RASSF2: variants seen among roughly 807,000 people sequenced by gnomAD.
RASSF2 encodes the protein Ras association domain family member 2, also known as ras association domain-containing protein 2.
In RASSF2, 34 loss-of-function variants were observed where a neutral mutation model predicts 46.3. The ratio of observed to expected loss-of-function variants is 0.73; its 90% confidence interval spans 0.56 to 0.98. The LOEUF (loss-of-function observed/expected upper bound fraction) is 0.98. Ranked by LOEUF, RASSF2 falls within the 50% of genes least tolerant of loss-of-function variation. The probability of loss-of-function intolerance (pLI) is 0.00; values close to 1 mark genes in which losing one functional copy is unlikely to be tolerated. For synonymous variants in RASSF2, 158 were observed against 162.5 expected, an observed-to-expected ratio of 0.97 and a Z score of 0.21; for missense variants, 364 against 431.2, an observed-to-expected ratio of 0.84 and a Z score of 1.38.
chr20:4,792,880 C>A (rs895601043), intron 5 of RASSF2: 2 of 626,216 alleles, frequency 3.2e-6, no homozygotes, highest in African/African-American at 1.8e-5. Flanking sequence ...TCTTTTGCAG[C>A]AACTGCAGTA....
chr20:4,798,161 C>T (rs1482339567), intron 3 of RASSF2, 76 bp from the exon 4 acceptor site: 6 of 1,571,772 alleles, frequency 3.8e-6, no homozygotes, highest in Non-Finnish European at 5.2e-6. Flanking sequence ...CTCTTTCTCT[C>T]ACCTCTCACC....
chr20:4,809,674 G>A (rs1927617950), intron 2 of RASSF2, among the ~76,000 whole-genome samples: 3 of 152,292 alleles, frequency 2.0e-5, no homozygotes, highest in Middle Eastern at 6.8e-3. Flanking sequence ...TTAGGCCAGG[G>A]GATTCCTAGA....
chr20:4,822,143 CA>C (rs1928730852), intron 2 of RASSF2, among the ~76,000 whole-genome samples, 185 bp downstream of exon 2: 1 of 152,200 alleles, frequency 6.6e-6, no homozygotes, highest in Non-Finnish European at 1.5e-5. Flanking sequence ...ATTCCTCATC[CA>C]GATGTTCCTG....
chr20:4,788,626 A>G (rs1173574631), intron 8 of RASSF2, among the ~76,000 whole-genome samples: 1 of 152,232 alleles, frequency 6.6e-6, no homozygotes, highest in Non-Finnish European at 1.5e-5. Context: ...CCTATACAGC[A>G]TGTTACTGTA....
intron 2 of RASSF2, among the ~76,000 whole-genome samples, 200 bp downstream of exon 2, chr20:4,822,129 G>T (rs965648878): frequency 1.3e-5 from 2 of 152,222 alleles, no homozygotes; most frequent in Non-Finnish European, 2.9e-5. Context: ...AAGCCTAGCT[G>T]CAGATTCCTC....
intron 2 of RASSF2, among the ~76,000 whole-genome samples, chr20:4,808,622 GACCACAGGT>G (rs1414291112): frequency 6.6e-6 from 1 of 151,660 alleles, no homozygotes; most frequent in Non-Finnish European, 1.5e-5. Context: ...GAGTAGCTGG[GACCACAGGT>G]ACACGCCACC....
Position 4,812,683 on chromosome 20 carries a change from C to A in RASSF2, c.-33+9646G>T, listed in dbSNP as rs1012605022. Among the ~76,000 whole-genome samples, 2 of 152,224 alleles carry A rather than the reference C, an allele frequency of 1.3e-5. No homozygotes were observed. Among genetic ancestry groups the A allele is most frequent in the Non-Finnish European group, 2.9e-5 (2 of 68,042 alleles). ...GCGCCCAGGGCTGCTGCTGATGCTG[C>A]TGGTGGTAGCAGGCTCTAGATGCTT... On this transcript the variant is annotated intron_variant, in intron 2 of 11. Coordinates refer to ENST00000379400, the MANE Select transcript of RASSF2 (RefSeq NM_014737.3). This position sits in a 1 kb window ranked among gnomAD's most constrained non-coding sequence, Gnocchi z 4.0.
At chr20:4,810,587 C>T (rs924079279) in intron 2 of RASSF2, among the ~76,000 whole-genome samples, 2 of 152,212 alleles carry the variant, frequency 1.3e-5, no homozygotes, top group Admixed American at 1.3e-4. Context: ...CAGCACCTCT[C>T]GTCTTATTTA....
At position 4,792,551 on chromosome 20, in the gene RASSF2, G is replaced by A; in HGVS notation, c.364C>T (p.Pro122Ser). The part of the protein sequence containing the change: ...VDAPPEGDQM[P>S]SSTDSRGLKP... Reference sequence around the variant, plus strand: ...CACTCACATGTACCTGTGGAGCTTGGCATCTGGTCACCCTCCGGCGGGGCA... The same window carrying A: ...CACTCACATGTACCTGTGGAGCTTGACATCTGGTCACCCTCCGGCGGGGCA... Residue 122 changes from proline to serine, a missense_variant, in exon 6 of 12, where the codon CCA becomes TCA. By Grantham distance (74) the Pro-to-Ser change is moderately conservative (BLOSUM62 -1). Transcript: ENST00000379400. The A allele has an allele frequency of 6.2e-7, 1 of 1,614,098 alleles. No homozygotes were observed. The highest frequency in any genetic ancestry group is 1.1e-5 in the South Asian group (1 of 91,078).
At chr20:4,789,847 C>T in intron 7 of RASSF2, 150 bp from the exon 8 acceptor site, 2 of 649,216 alleles carry the variant, frequency 3.1e-6, no homozygotes, top group Non-Finnish European at 5.3e-6. Context: ...GCTTTGTAGA[C>T]AAAGCAACCC....
At position 4,790,378 on chromosome 20, in the gene RASSF2, A is replaced by G; in HGVS notation, c.537+73T>C. The G allele has an allele frequency of 7.3e-7, 1 of 1,374,744 alleles. No individual in the cohort carries two copies. The allele number at this position is 1,374,744 out of a possible 1,614,324, so 85.2% of individuals were successfully genotyped here. A position where few individuals can be genotyped will look rare whatever the true frequency, so the allele number is the denominator to read the frequency against. ...CCCAGGCATCCACACCACCCACCATATGGCTGTAGCCCTGAGGTGGCATCT... is the reference window on the plus strand; with the variant it reads ...CCCAGGCATCCACACCACCCACCATGTGGCTGTAGCCCTGAGGTGGCATCT... On this transcript the variant is annotated intron_variant, in intron 7 of 11. Transcript: ENST00000379400. The surrounding 1 kb of genome is among the most constrained non-coding windows in gnomAD (Gnocchi z 4.3).
chr20:4,806,060 G>A (rs1348958075), intron 2 of RASSF2, among the ~76,000 whole-genome samples: 3 of 152,200 alleles, frequency 2.0e-5, no homozygotes, highest in African/African-American at 7.2e-5. Context: ...AAGGGGTGAA[G>A]GGGACAGGGC....
chr20:4,809,702 A>G (rs1927619621), intron 2 of RASSF2, among the ~76,000 whole-genome samples: 3 of 152,234 alleles, frequency 2.0e-5, no homozygotes, highest in Admixed American at 2.0e-4. Context: ...CCTGAAAGAA[A>G]GCATGTGATT....
Position 4,783,915 on chromosome 20 carries a change from CAT to C in RASSF2, c.*356_*357del. ...CTGATTTTCCTGCTCACGAGCAGCA[CAT>C]GTGCCAAGCTCACGGCTCTTGTGCT... On this transcript the variant is annotated 3_prime_UTR_variant, in exon 12 of 12. Coordinates refer to ENST00000379400, the MANE Select transcript of RASSF2 (RefSeq NM_014737.3). 4.7e-6 allele frequency: 1 copy of C among 214,606 alleles called. No homozygotes were observed. Among genetic ancestry groups the C allele is most frequent in the Non-Finnish European group, 9.5e-6 (1 of 104,834 alleles). 13.3% of individuals were successfully genotyped at this position (214,606 alleles called of 1,614,324 possible).
intron 2 of RASSF2, among the ~76,000 whole-genome samples, chr20:4,810,478 T>C (rs1168701941): frequency 6.6e-6 from 1 of 152,126 alleles, no homozygotes; most frequent in Non-Finnish European, 1.5e-5. Flanking sequence ...AAACGCTCCA[T>C]GATCAGGGAG....
intron 6 of RASSF2, among the ~76,000 whole-genome samples, chr20:4,792,248 A>AAGGGGAGAGG (rs1925937879): frequency 1.3e-5 from 1 of 79,264 alleles, no homozygotes; most frequent in African/African-American, 5.1e-5. Context: ...AAGGGAAGGG[A>AAGGGGAGAGG]AGGGGAGAGG....
intron 2 of RASSF2, among the ~76,000 whole-genome samples, chr20:4,815,722 T>C (rs187153435): frequency 6.6e-6 from 1 of 152,278 alleles, no homozygotes; most frequent in East Asian, 1.9e-4. Context: ...CAGAAAACCC[T>C]GAGATTAAGC....
rs1927933288 is a variant in RASSF2, at chr20:4,812,845, G to A, written c.-33+9484C>T. Among the ~76,000 whole-genome samples the A allele has an allele frequency of 1.3e-5, 2 of 152,216 alleles. No homozygotes were observed. Among genetic ancestry groups the A allele is most frequent in the African/African-American group, 2.4e-5 (1 of 41,458 alleles). On this transcript the variant is annotated intron_variant, in intron 2 of 11. Transcript: ENST00000379400. This position sits in a 1 kb window ranked among gnomAD's most constrained non-coding sequence, Gnocchi z 4.0. ...CCAGTGCTCCTGTGGCTCTCTGGCT[G>A]AGCGCTGGATCTGAGAGGGCCACTA...
chr20:4,810,147 A>G (rs949546567), intron 2 of RASSF2, among the ~76,000 whole-genome samples: 1 of 152,192 alleles, frequency 6.6e-6, no homozygotes, highest in African/African-American at 2.4e-5. Flanking sequence ...CCCACTCAGG[A>G]CCAGCCTGGC....
Sources: gnomAD v4.1 joint callset for allele counts (sites outside exome capture counted in the v4.1 genomes callset) on GRCh38, gnomAD v4.1.1 for gene constraint, Gnocchi (gnomAD v3.1) non-coding constraint, MANE v1.5 for transcripts, NCBI Gene and HGNC (gene_info 2026-07-23, HGNC 2026-07-21) for gene names.